PRKCB: variants seen among roughly 807,000 people sequenced by gnomAD.
PRKCB encodes protein kinase C beta, also known as protein kinase C beta type.
Under a neutral mutation model 81.5 loss-of-function variants are expected in PRKCB, and 13 were observed. That is an observed-to-expected ratio of 0.16 (90% CI 0.10 to 0.25). PRKCB has a LOEUF of 0.25. PRKCB is among the 10% of genes least tolerant of loss of function. The pLI is 1.00. For missense variants in PRKCB, 509 were observed against 875.7 expected, an observed-to-expected ratio of 0.58 and a Z score of 5.29; for synonymous variants, 335 against 321.4, an observed-to-expected ratio of 1.04 and a Z score of -0.45.
rs371808787 is a variant in PRKCB at position 23,875,640 on chromosome 16, T to C, written c.205+38234T>C. 3.0e-4 allele frequency among the ~76,000 whole-genome samples: 29 copies of C among 97,762 alleles called. 2 individuals are homozygous for C. The highest frequency in any genetic ancestry group is 6.0e-4 in the African/African-American group (16 of 26,536). 64.1% of individuals were successfully genotyped at this position (97,762 alleles called of 152,430 possible). The stretch of plus-strand genomic sequence containing the variant: ...CACATATATGTATGTATATCACACA[T>C]ATATGTATGTATATCACACATATAT... On this transcript the variant is annotated intron_variant, in intron 2 of 16. Transcript: ENST00000643927.
chr16:24,021,532 ACTGGCCGGTG>A lies in PRKCB; in HGVS notation c.289-10600_289-10591del, dbSNP rs568057436. 1.6e-3 allele frequency among the ~76,000 whole-genome samples: 247 copies of A among 151,868 alleles called. 2 individuals are homozygous for A. Among genetic ancestry groups the A allele is most frequent in the African/African-American group, 5.8e-3 (239 of 41,348 alleles). ...GTGGCAGGGACCCAAGTACTCTGTCACTGGCCGGTGCTGAATTTGTGTGAGATGAAGAGTG... is the reference window on the plus strand; with the variant it reads ...GTGGCAGGGACCCAAGTACTCTGTCACTGAATTTGTGTGAGATGAAGAGTG... On this transcript the variant is annotated intron_variant, in intron 3 of 16. Coordinates refer to ENST00000643927, the MANE Select transcript of PRKCB (RefSeq NM_002738.7).
At chr16:23,847,381 CATCT>C (rs1171435664) in intron 2 of PRKCB, among the ~76,000 whole-genome samples, 4 of 125,850 alleles carry the variant, frequency 3.2e-5, no homozygotes, top group Admixed American at 1.6e-4. Flanking sequence ...TCTATCTGTC[CATCT>C]ATCTATCTAT....
chr16:24,086,870 C>T (rs1197806425), intron 5 of PRKCB, among the ~76,000 whole-genome samples: 1 of 151,862 alleles, frequency 6.6e-6, no homozygotes, highest in African/African-American at 2.4e-5. Context: ...TTTTACTGTA[C>T]CTTTCTTTTA....
chr16:24,196,454 G>T (rs1192877451), intron 16 of PRKCB, among the ~76,000 whole-genome samples: 1 of 152,200 alleles, frequency 6.6e-6, no homozygotes, highest in Non-Finnish European at 1.5e-5. Context: ...AGTGTGTGCT[G>T]GGAGAGGGTG....
At chr16:24,007,311 T>G (rs1174338432) in intron 3 of PRKCB, among the ~76,000 whole-genome samples, 1 of 152,220 alleles carries the variant, frequency 6.6e-6, no homozygotes, top group African/African-American at 2.4e-5. Flanking sequence ...TCTTAGATTG[T>G]GCATTTCAAA....
chr16:24,000,385 T>C (rs1039589238), intron 3 of PRKCB, among the ~76,000 whole-genome samples: 1 of 152,210 alleles, frequency 6.6e-6, no homozygotes, highest in South Asian at 2.1e-4. Flanking sequence ...GGCAGTTTAT[T>C]GATCACGTCA....
intron 2 of PRKCB, among the ~76,000 whole-genome samples, chr16:23,894,038 A>G (rs1448562715): frequency 1.3e-5 from 2 of 152,174 alleles, no homozygotes; most frequent in Non-Finnish European, 2.9e-5. Flanking sequence ...CTAGGCTGGA[A>G]TCAGTGGACA....
intron 5 of PRKCB, among the ~76,000 whole-genome samples, chr16:24,088,083 A>C (rs548121168): frequency 1.4e-3 from 216 of 152,354 alleles, no homozygotes; most frequent in African/African-American, 5.1e-3. Flanking sequence ...CGGTCTCGCC[A>C]AGTGTGGTCT....
intron 10 of PRKCB, among the ~76,000 whole-genome samples, chr16:24,168,330 C>A (rs1967378481): frequency 1.3e-5 from 2 of 152,152 alleles, no homozygotes; most frequent in African/African-American, 4.8e-5. Flanking sequence ...CTTTGCTTCA[C>A]TTTCCCACCA....
chr16:24,159,872 C>A (rs1266871849), intron 10 of PRKCB, among the ~76,000 whole-genome samples: 1 of 152,090 alleles, frequency 6.6e-6, no homozygotes, highest in East Asian at 1.9e-4. Flanking sequence ...GTAGTCCCAC[C>A]TACCCAGGAG....
At chr16:23,938,923 T>C (rs984021624) in intron 2 of PRKCB, among the ~76,000 whole-genome samples, 3 of 152,186 alleles carry the variant, frequency 2.0e-5, no homozygotes, top group African/African-American at 7.2e-5. Context: ...AATAAAACTG[T>C]ATTTATTTGC....
At chr16:24,104,316 C>T (rs892551180) in intron 7 of PRKCB, among the ~76,000 whole-genome samples, 3 of 152,124 alleles carry the variant, frequency 2.0e-5, no homozygotes, top group African/African-American at 2.4e-5. Context: ...GCAGCTAATG[C>T]GTTTTCTCTA....
chr16:23,907,546 G>C (rs554672439), intron 2 of PRKCB, among the ~76,000 whole-genome samples: 1 of 152,088 alleles, frequency 6.6e-6, no homozygotes, highest in Non-Finnish European at 1.5e-5. Flanking sequence ...GATTATGGGC[G>C]TGAGCCACTG....
chr16:24,085,628 A>G (rs1189182851), intron 5 of PRKCB, among the ~76,000 whole-genome samples: 1 of 152,156 alleles, frequency 6.6e-6, no homozygotes, highest in Non-Finnish European at 1.5e-5. Flanking sequence ...ATTATCCAAG[A>G]GCCCATTTGA....
At chr16:23,903,653 A>G (rs968421103) in intron 2 of PRKCB, among the ~76,000 whole-genome samples, 1 of 152,198 alleles carries the variant, frequency 6.6e-6, no homozygotes, top group African/African-American at 2.4e-5. Context: ...GGAAAGCAGC[A>G]GTGGAATTGT....
chr16:23,987,635 A>C (rs896268986), intron 2 of PRKCB, among the ~76,000 whole-genome samples: 1 of 152,160 alleles, frequency 6.6e-6, no homozygotes, highest in East Asian at 1.9e-4. Context: ...TTGTGTCACT[A>C]GGGATGGCCT....
Position 23,886,417 on chromosome 16 carries a change from T to TTTTTTTGTTTTTTTTTTG in PRKCB, c.205+49017_205+49018insGTTTTTTTTTTGTTTTTT, listed in dbSNP as rs1567302688. On this transcript the variant is annotated intron_variant, in intron 2 of 16. Coordinates refer to ENST00000643927, the MANE Select transcript of PRKCB (RefSeq NM_002738.7). ...ATGGTGTGTTAGGTGTTTTTTTTTT[T>TTTTTTTGTTTTTTTTTTG]TTTTTTTTTTTTTTTGATGAAGTCT... 3.0e-3 allele frequency among the ~76,000 whole-genome samples: 421 copies of TTTTTTTGTTTTTTTTTTG among 140,262 alleles called. 7 individuals carry two copies. The highest frequency in any genetic ancestry group is 0.01 in the African/African-American group (375 of 36,998). 92.0% of individuals were successfully genotyped at this position (140,262 alleles called of 152,430 possible).
intron 16 of PRKCB, among the ~76,000 whole-genome samples, chr16:24,195,700 G>A (rs1039495545): frequency 2.0e-5 from 3 of 152,014 alleles, no homozygotes; most frequent in Non-Finnish European, 4.4e-5. Flanking sequence ...TTTAATGTTC[G>A]CCTGGTTGTG....
chr16:23,964,932 A>G (rs1964468520), intron 2 of PRKCB, among the ~76,000 whole-genome samples: 1 of 152,148 alleles, frequency 6.6e-6, no homozygotes, highest in South Asian at 2.1e-4. Context: ...GGCCTCCCAA[A>G]GTGCTGGGAT....
Sources: allele counts gnomAD v4.1 joint callset (sites outside exome capture counted in the v4.1 genomes callset), GRCh38; gene constraint gnomAD v4.1.1; transcripts MANE v1.5; gene names NCBI Gene and HGNC (gene_info 2026-07-23, HGNC 2026-07-21).